The following SSC5D variants were observed in gnomAD, a reference collection of about 807,000 sequenced individuals.
SSC5D encodes soluble scavenger receptor cysteine-rich domain-containing protein SSC5D.
A neutral mutation model predicts 104.6 loss-of-function variants in SSC5D; 106 were observed. The observed-to-expected ratio is 1.01, with a 90% CI of 0.87 to 1.19. SSC5D has a LOEUF of 1.19. SSC5D is among the 50% of genes most tolerant of loss of function. The pLI, the probability that SSC5D is intolerant of heterozygous loss-of-function variation, is 0.00. For missense variants in SSC5D, 1,993 were observed against 2,153.8 expected, an observed-to-expected ratio of 0.93 and a Z score of 1.48; for synonymous variants, 860 against 883.5, an observed-to-expected ratio of 0.97 and a Z score of 0.47.
Position 55,489,443 on chromosome 19 carries a change from GGCTGGGACCTGCGCGATGCC to G in SSC5D, c.145_164del (p.Trp49ArgfsTer71). 2 of 1,487,796 alleles carry G rather than the reference GGCTGGGACCTGCGCGATGCC, an allele frequency of 1.3e-6. No homozygotes were observed. Among genetic ancestry groups the G allele is most frequent in the Non-Finnish European group, 1.8e-6 (2 of 1,126,552 alleles). The allele number at this position is 1,487,796 out of a possible 1,614,324, so 92.2% of individuals were successfully genotyped here. A position where few individuals can be genotyped will look rare whatever the true frequency, so the allele number is the denominator to read the frequency against. On this transcript the variant is annotated frameshift_variant, in exon 3 of 14. Coordinates refer to ENST00000389623, the MANE Select transcript of SSC5D (RefSeq NM_001144950.2). LOFTEE classifies it high-confidence loss of function. ...GCGCTGGGGCACCGTGTGTGATGAC[GGCTGGGACCTGCGCGATGCC>G]GCCGTGGCCTGCCGGCAGCTGGGCT...
rs1474343681 is a variant in SSC5D, at chr19:55,493,820, G to T, written c.1121G>T (p.Arg374Leu). ...GPIILDDLRC[R>L]GNETALRFCP... The stretch of plus-strand genomic sequence containing the variant: ...ATCATCCTGGACGACCTTCGGTGTC[G>T]GGGAAACGAGACGGCCTTACGATTC... The change falls in exon 7 of 14, where the codon CGG becomes CTG. Residue 374 changes from arginine to leucine, a missense_variant. Physicochemically the swap from Arg to Leu is moderately radical, Grantham distance 102. This residue lies in a region of SSC5D where 1,101 missense variants were observed against 1,085.0 expected (regional missense o/e 1.01). Coordinates refer to ENST00000389623, the MANE Select transcript of SSC5D (RefSeq NM_001144950.2). 2 of 1,549,354 alleles carry T rather than the reference G, an allele frequency of 1.3e-6. No homozygotes were observed. Among genetic ancestry groups the T allele is most frequent in the Non-Finnish European group, 1.7e-6 (2 of 1,146,608 alleles).
intron 12 of SSC5D, chr19:55,504,068 G>T (rs1289133784): frequency 6.6e-7 from 1 of 1,517,408 alleles, no homozygotes. Flanking sequence ...CGTGACTTGG[G>T]GGTGGGTGGG....
Position 55,500,041 on chromosome 19 carries a change from C to T in SSC5D, c.1931C>T (p.Pro644Leu), listed in dbSNP as rs1363641308. 1 of 1,551,862 alleles carries T rather than the reference C, an allele frequency of 6.4e-7. No homozygotes were observed. The highest frequency in any genetic ancestry group is 1.2e-5 in the South Asian group (1 of 84,052). The change falls in exon 10 of 14, where the codon CCA (proline) becomes CTA (leucine). Residue 644 changes from proline (P) to leucine (L), a missense_variant. Pro to Leu is a moderately conservative substitution (Grantham distance 98, BLOSUM62 -3). Transcript: ENST00000389623. This position sits in a 1 kb window ranked among gnomAD's most constrained non-coding sequence, Gnocchi z 4.6. Reference protein sequence around the residue: ...KNAKRPTTQPPVMPTTKHSRA... With the variant: ...KNAKRPTTQPLVMPTTKHSRA... Reference sequence around the variant, plus strand: ...GCAAAGAGACCAACCACTCAACCCCCAGTGATGCCAACCACGAAACACTCC... The same window carrying T: ...GCAAAGAGACCAACCACTCAACCCCTAGTGATGCCAACCACGAAACACTCC...
At position 55,503,663 on chromosome 19, in the gene SSC5D, G is replaced by A. The variant is rs1239794287; in HGVS notation, c.2785+2462G>A. ...TGCCCGTCGCAGTCGCTGTTTCTCC[G>A]TCTTCTCCCTCCCTTCCACTCTCCC... On this transcript the variant is annotated intron_variant, in intron 12 of 13. Coordinates refer to ENST00000389623, the MANE Select transcript of SSC5D (RefSeq NM_001144950.2). The surrounding 1 kb of genome is among the most constrained non-coding windows in gnomAD (Gnocchi z 4.0). 1.3e-5 allele frequency among the ~76,000 whole-genome samples: 2 copies of A among 152,098 alleles called. No homozygotes were observed. Among genetic ancestry groups the A allele is most frequent in the Admixed American group, 6.6e-5 (1 of 15,266 alleles).
intron 12 of SSC5D, among the ~76,000 whole-genome samples, chr19:55,509,850 C>CAAAAAAAAA (rs1250937223): frequency 6.6e-5 from 5 of 75,980 alleles, no homozygotes; most frequent in Non-Finnish European, 1.1e-4. Flanking sequence ...AACTCTGTCT[C>CAAAAAAAAA]AAAAAAAAAA....
Position 55,517,216 on chromosome 19 carries a change from T to A in SSC5D, c.2948-8T>A. 1 of 1,534,328 alleles carries A rather than the reference T, an allele frequency of 6.5e-7. No homozygotes were observed. The highest frequency in any genetic ancestry group is 8.7e-7 in the Non-Finnish European group (1 of 1,145,404). ...CAGACCGTCCGTCTGTCTTTCCTCC[T>A]CCTCCAGGTTCCCCGAGGAAACCGT... On this transcript the variant is annotated splice_polypyrimidine_tract_variant and splice_region_variant and intron_variant, in intron 13 of 13. Coordinates refer to ENST00000389623, the MANE Select transcript of SSC5D (RefSeq NM_001144950.2).
At chr19:55,516,616 T>C (rs901107628) in intron 13 of SSC5D, among the ~76,000 whole-genome samples, 1 of 147,958 alleles carries the variant, frequency 6.8e-6, no homozygotes, top group African/African-American at 2.6e-5. Flanking sequence ...ACTGTGGATC[T>C]TTTGGATTAA....
intron 13 of SSC5D, among the ~76,000 whole-genome samples, chr19:55,515,054 C>T (rs1350108347): frequency 6.6e-6 from 1 of 152,140 alleles, no homozygotes; most frequent in East Asian, 1.9e-4. Flanking sequence ...AAAGACCCTG[C>T]CCTGCAGGAA....
At chr19:55,510,008 G>GT (rs887997642) in intron 12 of SSC5D, among the ~76,000 whole-genome samples, 23 of 149,510 alleles carry the variant, frequency 1.5e-4, no homozygotes, top group East Asian at 2.0e-4. Flanking sequence ...TTTTTTTTTT[G>GT]TTTTTTTGTG....
chr19:55,496,748 G>GTTTT (rs1346714851), intron 8 of SSC5D, among the ~76,000 whole-genome samples: 2 of 141,760 alleles, frequency 1.4e-5, no homozygotes, highest in Non-Finnish European at 3.1e-5. Flanking sequence ...ATTTTTACCA[G>GTTTT]TCTTTTTTTT....
intron 6 of SSC5D, among the ~76,000 whole-genome samples, chr19:55,493,276 G>A (rs895751842): frequency 2.0e-5 from 3 of 152,130 alleles, no homozygotes; most frequent in African/African-American, 7.2e-5. Context: ...GATGCCCAAT[G>A]CCAGTGGTGC....
At position 55,501,028 on chromosome 19, in the gene SSC5D, C is replaced by A; in HGVS notation, c.2618-6C>A. 1 of 1,551,868 alleles carries A rather than the reference C, an allele frequency of 6.4e-7. No individual in the cohort carries two copies. Among genetic ancestry groups the A allele is most frequent in the Non-Finnish European group, 8.7e-7 (1 of 1,147,002 alleles). ...GGGGTCAACCATTACCCCAATTTCT[C>A]CAAAGGCTACACAGACTATGACGAT... On this transcript the variant is annotated splice_polypyrimidine_tract_variant and splice_region_variant and intron_variant, in intron 11 of 13. Transcript: ENST00000389623.
chr19:55,513,282 A>G (rs568068287), intron 13 of SSC5D, 110 bp downstream of exon 13: 41 of 1,167,574 alleles, frequency 3.5e-5, no homozygotes, highest in Non-Finnish European at 4.5e-5. Context: ...CTCAGCAGAA[A>G]TATACCCTAA....
In SSC5D at chr19:55,503,672, C is replaced by T. The variant is rs926788195; in HGVS notation, c.2785+2471C>T. On this transcript the variant is annotated intron_variant, in intron 12 of 13. Transcript: ENST00000389623. This position sits in a 1 kb window ranked among gnomAD's most constrained non-coding sequence, Gnocchi z 4.0. ...CAGTCGCTGTTTCTCCGTCTTCTCC[C>T]TCCCTTCCACTCTCCCGCCCTGCTC... is the stretch of plus-strand genomic sequence containing the variant. Among the ~76,000 whole-genome samples the T allele has an allele frequency of 1.3e-5, 2 of 152,232 alleles. No individual in the cohort carries two copies. Among genetic ancestry groups the T allele is most frequent in the African/African-American group, 2.4e-5 (1 of 41,464 alleles).
At chr19:55,502,475 C>G (rs1443886763) in intron 12 of SSC5D, among the ~76,000 whole-genome samples, 1 of 151,950 alleles carries the variant, frequency 6.6e-6, no homozygotes, top group Non-Finnish European at 1.5e-5. Flanking sequence ...GTCAGTTTCT[C>G]TTTATTTTTT....
intron 2 of SSC5D, 30 bp downstream of exon 2, chr19:55,489,062 GCCCCCC>G: frequency 6.6e-6 from 6 of 910,476 alleles, no homozygotes; most frequent in Non-Finnish European, 8.8e-6. Flanking sequence ...CCATCTGCCC[GCCCCCC>G]CCCCCAGGCC....
rs1312027374 is a variant in SSC5D at position 55,503,681 on chromosome 19, A to T, written c.2785+2480A>T. ...TTTCTCCGTCTTCTCCCTCCCTTCC[A>T]CTCTCCCGCCCTGCTCGCCGTCTGG... On this transcript the variant is annotated intron_variant, in intron 12 of 13. Coordinates refer to ENST00000389623, the MANE Select transcript of SSC5D (RefSeq NM_001144950.2). The surrounding 1 kb of genome is among the most constrained non-coding windows in gnomAD (Gnocchi z 4.0). Among the ~76,000 whole-genome samples, 2 of 143,494 alleles carry T rather than the reference A, an allele frequency of 1.4e-5. No homozygotes were observed. The highest frequency in any genetic ancestry group is 3.1e-5 in the Non-Finnish European group (2 of 65,264). The allele number at this position is 143,494 out of a possible 152,430, so 94.1% of individuals were successfully genotyped here.
At chr19:55,492,401 G>A (rs1987176247) in intron 6 of SSC5D, 1 of 152,202 alleles carries the variant, frequency 6.6e-6, no homozygotes, top group Admixed American at 6.5e-5. Flanking sequence ...GGGAAGAAGT[G>A]GGACCTTCGG....
At position 55,500,785 on chromosome 19, in the gene SSC5D, C is replaced by T. The variant is rs564827454; in HGVS notation, c.2598C>T (p.Asp866=). 78 of 1,549,982 alleles carry T rather than the reference C, an allele frequency of 5.0e-5. No individual in the cohort carries two copies. In the African/African-American group the frequency reaches 6.3e-4, roughly 13 times the overall value. The change falls in exon 11 of 14, where the codon GAC becomes GAT. Residue 866 remains aspartate, a synonymous_variant. Coordinates refer to ENST00000389623, the MANE Select transcript of SSC5D (RefSeq NM_001144950.2). The surrounding 1 kb of genome is among the most constrained non-coding windows in gnomAD (Gnocchi z 4.6). ...AGCACAACTGTGACCACGAGGAAGA[C>T]GTGGGGCTCACCTGCACTGGTACCA... ...WGKHNCDHEE[D]VGLTCTGYTD...
Sources: allele counts gnomAD v4.1 joint callset (sites outside exome capture counted in the v4.1 genomes callset), GRCh38; gene constraint gnomAD v4.1.1; regional missense constraint gnomAD v4.1.1; non-coding constraint Gnocchi (gnomAD v3.1); transcripts MANE v1.5; gene names NCBI Gene and HGNC (gene_info 2026-07-23, HGNC 2026-07-21).